The following DNAJC4 variants were observed in gnomAD, a reference collection of about 807,000 sequenced individuals.
The protein encoded by DNAJC4 is DnaJ heat shock protein family (Hsp40) member C4.
In DNAJC4, 26 loss-of-function variants were observed where a neutral mutation model predicts 26.8. The ratio of observed to expected loss-of-function variants is 0.97; its 90% CI spans 0.71 to 1.34. DNAJC4 has a LOEUF of 1.34. Ranked by LOEUF, DNAJC4 falls within the 40% of genes most tolerant of loss-of-function variation. The pLI, the probability that DNAJC4 is intolerant of heterozygous loss-of-function variation, is 0.00. For synonymous variants in DNAJC4, 134 were observed against 127.8 expected (o/e 1.05, Z -0.33); for missense variants, 342 against 321.1 (o/e 1.07, Z -0.50).
chr11:64,232,103 A>G (rs867974912), intron 2 of DNAJC4, 139 bp downstream of exon 2: 5 of 879,082 alleles, frequency 5.7e-6, no homozygotes, highest in Middle Eastern at 4.4e-4. Flanking sequence ...CAGGTGCTCA[A>G]TGGTAGGGGA....
In DNAJC4 at chr11:64,234,049, C is replaced by G; in HGVS notation, c.615-24C>G. 6.2e-7 allele frequency: 1 copy of G among 1,613,750 alleles called. No homozygotes were observed. The highest frequency in any genetic ancestry group is 8.5e-7 in the Non-Finnish European group (1 of 1,179,988). On this transcript the variant is annotated intron_variant, in intron 5 of 5. Coordinates refer to ENST00000628077, the MANE Select transcript of DNAJC4 (RefSeq NM_005528.4). The surrounding 1 kb of genome is among the most constrained non-coding windows in gnomAD (Gnocchi z 5.3). ...CCACACTTCGGGATCCCTATCCCAA[C>G]CACCCAGGTGCCCTCTCCTCCAGGG...
Position 64,230,611 on chromosome 11 carries a change from G to A in DNAJC4, c.-244G>A, listed in dbSNP as rs1393739620. 1 of 624,160 alleles carries A rather than the reference G, an allele frequency of 1.6e-6. No individual in the cohort carries two copies. Among genetic ancestry groups the A allele is most frequent in the East Asian group, 2.8e-5 (1 of 35,340 alleles). The allele number at this position is 624,160 out of a possible 1,614,324, so 38.7% of individuals were successfully genotyped here. On this transcript the variant is annotated 5_prime_UTR_variant, in exon 1 of 6. Transcript: ENST00000628077. ...GGGGTCTTGGGGTCCCTGGCTGGGT[G>A]GCCAGACCCCGAAGCCAGCGCTGGG...
chr11:64,233,802 A>C (rs953611319), intron 4 of DNAJC4, 92 bp from the exon 5 acceptor site: 144 of 1,533,850 alleles, frequency 9.4e-5, no homozygotes, highest in Non-Finnish European at 1.2e-4. Flanking sequence ...TAAGGGTAAA[A>C]AGCTGTGAGG....
chr11:64,230,440 G>A (rs540365500), upstream of DNAJC4: 485 of 517,908 alleles, frequency 9.4e-4, 3 homozygotes, highest in African/African-American at 8.5e-3. Flanking sequence ...AGGTGGACGT[G>A]GTCTTGGCAT....
Position 64,232,731 on chromosome 11 carries a change from C to G in DNAJC4, c.393C>G (p.Tyr131Ter). 6.2e-7 allele frequency: 1 copy of G among 1,610,380 alleles called. No homozygotes were observed. Among genetic ancestry groups the G allele is most frequent in the Admixed American group, 1.7e-5 (1 of 59,634 alleles). ...HSSWTPPNAQ[Y>*]WSQFHSVRPQ... ...CCTGGACACCCCCCAACGCACAGTA[C>G]TGGTCCCAGTTTCACAGCGTGAGGC... The change falls in exon 4 of 6, where the codon TAC becomes TAG. Residue 131 changes from tyrosine (Y) to a stop codon, truncating the protein, a stop_gained. Coordinates refer to ENST00000628077, the MANE Select transcript of DNAJC4 (RefSeq NM_005528.4). LOFTEE classifies it high-confidence loss of function.
chr11:64,233,295 G>A (rs550861201), intron 4 of DNAJC4, among the ~76,000 whole-genome samples: 9 of 151,800 alleles, frequency 5.9e-5, no homozygotes, highest in African/African-American at 1.9e-4. Context: ...GTGCAGTGGC[G>A]CAATCTCGGC....
rs752590103 is a variant in DNAJC4, at chr11:64,234,097, G to A, written c.639G>A (p.Gln213=). The A allele has an allele frequency of 1.2e-6, 2 of 1,611,120 alleles. No individual in the cohort carries two copies. The highest frequency in any genetic ancestry group is 2.7e-5 in the African/African-American group (2 of 74,922). The part of the protein sequence containing the change: ...RARANRGILQ[Q]ERQRLGQRQP... ...GGGCCAACAGAGGCATCCTTCAGCA[G>A]GAGCGACAACGGCTAGGGCAGCGGC... Residue 213 remains glutamine (Q), a synonymous_variant, in exon 6 of 6, where the codon CAG becomes CAA. Transcript: ENST00000628077. The surrounding 1 kb of genome is among the most constrained non-coding windows in gnomAD (Gnocchi z 5.3).
rs1369541452 is a variant in DNAJC4, at chr11:64,230,558, C to T, written c.-297C>T. On this transcript the variant is annotated 5_prime_UTR_variant, in exon 1 of 6. Transcript: ENST00000628077. ...GGGCCTGGTTGTGGCCCCTCCTTCT[C>T]CCGTCCCCAAGTTCCCTGGGTGGGA... 1.7e-6 allele frequency: 1 copy of T among 600,034 alleles called. No homozygotes were observed. The highest frequency in any genetic ancestry group is 2.5e-5 in the Admixed American group (1 of 39,644). 37.2% of individuals were successfully genotyped at this position (600,034 alleles called of 1,614,324 possible).
In DNAJC4 at chr11:64,230,720, C is replaced by CG. The variant is rs1302127405; in HGVS notation, c.-132dup. On this transcript the variant is annotated 5_prime_UTR_variant, in exon 1 of 6. The change abolishes the stop of an existing upstream ORF in the 5' untranslated region. Coordinates refer to ENST00000628077, the MANE Select transcript of DNAJC4 (RefSeq NM_005528.4). ...TCCTGGGCAAGAACCGCCCCCTCTC[C>CG]GGGCCTGCTTCAGTCTTCCTTTGCA... is the stretch of plus-strand genomic sequence containing the variant. 1 of 1,266,636 alleles carries CG rather than the reference C, an allele frequency of 7.9e-7. No homozygotes were observed. The highest frequency in any genetic ancestry group is 1.1e-6 in the Non-Finnish European group (1 of 907,226). The allele number at this position is 1,266,636 out of a possible 1,614,324, so 78.5% of individuals were successfully genotyped here. A position where few individuals can be genotyped will look rare whatever the true frequency, so the allele number is the denominator to read the frequency against.
At chr11:64,232,247 A>C (rs1761840563) in intron 2 of DNAJC4, 183 bp from the exon 3 acceptor site, 35 of 819,352 alleles carry the variant, frequency 4.3e-5, no homozygotes, top group Non-Finnish European at 6.5e-5. Context: ...GGAGGGCTTG[A>C]ACACAGGAGG....
rs763012788 is a variant in DNAJC4 at position 64,232,427 on chromosome 11, C to G, written c.181-3C>G. ...AGATAAGGGGAGTCCTGCCCCACCCCAGCTGCACCCAGACCGGGACCCTGG... is the reference window on the plus strand; with the variant it reads ...AGATAAGGGGAGTCCTGCCCCACCCGAGCTGCACCCAGACCGGGACCCTGG... On this transcript the variant is annotated splice_region_variant and splice_polypyrimidine_tract_variant and intron_variant, in intron 2 of 5. Coordinates refer to ENST00000628077, the MANE Select transcript of DNAJC4 (RefSeq NM_005528.4). 6.3e-7 allele frequency: 1 copy of G among 1,575,046 alleles called. No homozygotes were observed. The highest frequency in any genetic ancestry group is 1.8e-5 in the Admixed American group (1 of 57,122).
chr11:64,230,732 A>T lies in DNAJC4; in HGVS notation c.-123A>T. The stretch of plus-strand genomic sequence containing the variant: ...ACCGCCCCCTCTCCGGGCCTGCTTC[A>T]GTCTTCCTTTGCAGAACAACGGGCC... On this transcript the variant is annotated 5_prime_UTR_variant, in exon 1 of 6. Coordinates refer to ENST00000628077, the MANE Select transcript of DNAJC4 (RefSeq NM_005528.4). 1 of 1,354,800 alleles carries T rather than the reference A, an allele frequency of 7.4e-7. No homozygotes were observed. Among genetic ancestry groups the T allele is most frequent in the Non-Finnish European group, 1.0e-6 (1 of 984,336 alleles). 83.9% of individuals were successfully genotyped at this position (1,354,800 alleles called of 1,614,324 possible).
intron 2 of DNAJC4, 126 bp from the exon 3 acceptor site, chr11:64,232,304 G>C: frequency 2.4e-6 from 3 of 1,255,190 alleles, no homozygotes; most frequent in Non-Finnish European, 3.2e-6. Flanking sequence ...GGGCAGGCCT[G>C]AGTGAGGGTC....
At chr11:64,232,395 C>T in intron 2 of DNAJC4, 35 bp from the exon 3 acceptor site, 1 of 1,533,784 alleles carries the variant, frequency 6.5e-7, no homozygotes, top group Non-Finnish European at 8.8e-7. Context: ...GAGGGACAGG[C>T]AAAGGGAGAT....
At chr11:64,232,902 C>T (rs373287362) in intron 4 of DNAJC4, 37 bp downstream of exon 4, 5 of 1,524,536 alleles carry the variant, frequency 3.3e-6, no homozygotes, top group Non-Finnish European at 4.4e-6. Context: ...GGGCAGAGGG[C>T]AGGAGGGTGG....
chr11:64,234,248 T>G lies in DNAJC4; in HGVS notation c.*64T>G. On this transcript the variant is annotated 3_prime_UTR_variant, in exon 6 of 6. Coordinates refer to ENST00000628077, the MANE Select transcript of DNAJC4 (RefSeq NM_005528.4). The surrounding 1 kb of genome is among the most constrained non-coding windows in gnomAD (Gnocchi z 5.3). ...TTGCTTCCTTCCCTGGACGGCCCGC[T>G]CCCCGAAACGCGCGCAATAAAGTGA... 1 of 1,506,788 alleles carries G rather than the reference T, an allele frequency of 6.6e-7. No homozygotes were observed. Among genetic ancestry groups the G allele is most frequent in the Non-Finnish European group, 8.9e-7 (1 of 1,129,068 alleles). The allele number at this position is 1,506,788 out of a possible 1,614,324, so 93.3% of individuals were successfully genotyped here.
Position 64,230,786 on chromosome 11 carries a change from T to G in DNAJC4, c.-69T>G. ...CCCCTTCCCTCTGCCCCCGGGTGCTTGAAGTCTAGCCCCATCCTGGTCCAA... is the reference window on the plus strand; with the variant it reads ...CCCCTTCCCTCTGCCCCCGGGTGCTGGAAGTCTAGCCCCATCCTGGTCCAA... On this transcript the variant is annotated 5_prime_UTR_variant, in exon 1 of 6. The change abolishes the stop of an existing upstream ORF in the 5' untranslated region. Coordinates refer to ENST00000628077, the MANE Select transcript of DNAJC4 (RefSeq NM_005528.4). 1.3e-6 allele frequency: 2 copies of G among 1,546,292 alleles called. No individual in the cohort carries two copies. The highest frequency in any genetic ancestry group is 1.7e-6 in the Non-Finnish European group (2 of 1,145,552).
In DNAJC4 at chr11:64,234,192, A is replaced by G; in HGVS notation, c.*8A>G. 6.5e-7 allele frequency: 1 copy of G among 1,549,734 alleles called. No homozygotes were observed. The highest frequency in any genetic ancestry group is 8.7e-7 in the Non-Finnish European group (1 of 1,151,726). ...CGGGGCGCCGGCCCCTGAGGGGCTC[A>G]CCTGGATGGGGCCTGCAGTGCGTTC... On this transcript the variant is annotated 3_prime_UTR_variant, in exon 6 of 6. Transcript: ENST00000628077. The surrounding 1 kb of genome is among the most constrained non-coding windows in gnomAD (Gnocchi z 5.3).
At position 64,234,194 on chromosome 11, in the gene DNAJC4, C is replaced by T. The variant is rs1591077471; in HGVS notation, c.*10C>T. 2.6e-6 allele frequency: 4 copies of T among 1,547,596 alleles called. No individual in the cohort carries two copies. The East Asian group carries it at 7.2e-5, about 28-fold the overall frequency. On this transcript the variant is annotated 3_prime_UTR_variant, in exon 6 of 6. Transcript: ENST00000628077. This position sits in a 1 kb window ranked among gnomAD's most constrained non-coding sequence, Gnocchi z 5.3. ...GGGCGCCGGCCCCTGAGGGGCTCAC[C>T]TGGATGGGGCCTGCAGTGCGTTCCC... is the stretch of plus-strand genomic sequence containing the variant.
Sources: allele counts gnomAD v4.1 joint callset (sites outside exome capture counted in the v4.1 genomes callset), GRCh38; gene constraint gnomAD v4.1.1; non-coding constraint Gnocchi (gnomAD v3.1); transcripts MANE v1.5; gene names NCBI Gene and HGNC (gene_info 2026-07-23, HGNC 2026-07-21).